The following GALNTL6 variants were observed in gnomAD, a reference collection of about 807,000 sequenced individuals.
The protein encoded by GALNTL6 is polypeptide N-acetylgalactosaminyltransferase like 6, also known as polypeptide N-acetylgalactosaminyltransferase-like 6.
A neutral mutation model predicts 73.7 loss-of-function variants in GALNTL6; 46 were observed. The observed-to-expected ratio is 0.62, with a 90% CI of 0.49 to 0.80. The LOEUF is 0.80. Ranked by LOEUF, GALNTL6 falls within the 30% of genes least tolerant of loss-of-function variation. The probability of loss-of-function intolerance (pLI) is 0.00; values close to 1 mark genes in which losing one functional copy is unlikely to be tolerated. For missense variants in GALNTL6, 604 were observed against 755.0 expected (o/e 0.80, Z 2.34); for synonymous variants, 259 against 263.7 (o/e 0.98, Z 0.17).
chr4:172,956,638 G>A (rs1043841244), intron 10 of GALNTL6, among the ~76,000 whole-genome samples: 3 of 152,150 alleles, frequency 2.0e-5, no homozygotes, highest in South Asian at 2.1e-4. Context: ...GTCCAAGTTG[G>A]TCTGGTGTCT....
chr4:172,099,279 AATAAGT>A (rs1732444482), intron 2 of GALNTL6, among the ~76,000 whole-genome samples: 1 of 152,172 alleles, frequency 6.6e-6, no homozygotes, highest in South Asian at 2.1e-4. Flanking sequence ...TGAGGAGTTA[AATAAGT>A]ATGAGCAATA....
intron 5 of GALNTL6, among the ~76,000 whole-genome samples, chr4:172,644,167 C>T (rs1740117952): frequency 6.6e-6 from 1 of 151,794 alleles, no homozygotes; most frequent in African/African-American, 2.4e-5. Flanking sequence ...AAAATGCACA[C>T]ATCTTTATTG....
intron 5 of GALNTL6, among the ~76,000 whole-genome samples, chr4:172,726,759 G>A (rs922135889): frequency 2.4e-4 from 36 of 152,242 alleles, no homozygotes; most frequent in Admixed American, 1.2e-3. Context: ...TAGTGTTCTA[G>A]GAGCTTGAAA....
chr4:172,791,295 C>G (rs992551015), intron 5 of GALNTL6, among the ~76,000 whole-genome samples: 1 of 152,062 alleles, frequency 6.6e-6, no homozygotes, highest in African/African-American at 2.4e-5. Context: ...TTACTGAAGT[C>G]AAGGAAACAA....
chr4:172,191,618 T>C (rs529526076), intron 2 of GALNTL6, among the ~76,000 whole-genome samples: 213 of 152,358 alleles, frequency 1.4e-3, no homozygotes, highest in African/African-American at 4.8e-3. Context: ...AAATATATGG[T>C]ACTCTTTCAA....
chr4:172,674,539 A>C (rs1343854265), intron 5 of GALNTL6, among the ~76,000 whole-genome samples: 1 of 152,114 alleles, frequency 6.6e-6, no homozygotes, highest in Non-Finnish European at 1.5e-5. Flanking sequence ...CTTACCATGA[A>C]TGCTATTCTA....
chr4:172,625,462 T>C (rs187329044), intron 5 of GALNTL6, among the ~76,000 whole-genome samples: 1 of 152,210 alleles, frequency 6.6e-6, no homozygotes, highest in Non-Finnish European at 1.5e-5. Context: ...TCTTTGCTAT[T>C]GTGAATAGCA....
At chr4:172,430,850 ATTATTTTATGAG>A (rs1409614118) in intron 5 of GALNTL6, among the ~76,000 whole-genome samples, 1 of 152,098 alleles carries the variant, frequency 6.6e-6, no homozygotes, top group Non-Finnish European at 1.5e-5. Context: ...AATAGGGAAA[ATTATTTTATGAG>A]TTGAAATAGG....
intron 5 of GALNTL6, among the ~76,000 whole-genome samples, chr4:172,355,585 A>G (rs170776): frequency 0.11 from 16,065 of 152,120 alleles, 870 homozygotes; most frequent in East Asian, 0.18. Context: ...TGTAAAAGGT[A>G]TGATGAGTAC....
At chr4:171,987,431 C>G (rs559264403) in intron 2 of GALNTL6, among the ~76,000 whole-genome samples, 2 of 152,230 alleles carry the variant, frequency 1.3e-5, no homozygotes, top group South Asian at 2.1e-4. Context: ...GAAATGACTG[C>G]GGTGGCCTTC....
chr4:172,549,148 C>A (rs1336527763), intron 5 of GALNTL6, among the ~76,000 whole-genome samples: 1 of 152,142 alleles, frequency 6.6e-6, no homozygotes, highest in Non-Finnish European at 1.5e-5. Flanking sequence ...CAAAATGTTT[C>A]TTTGTGCCTC....
At chr4:172,065,791 C>T (rs945586210) in intron 2 of GALNTL6, among the ~76,000 whole-genome samples, 4 of 152,162 alleles carry the variant, frequency 2.6e-5, no homozygotes, top group East Asian at 1.9e-4. Flanking sequence ...CTTACAATCA[C>T]GGCAGAAGGC....
At chr4:171,883,467 A>G (rs1480898215) in intron 2 of GALNTL6, among the ~76,000 whole-genome samples, 1 of 152,040 alleles carries the variant, frequency 6.6e-6, no homozygotes, top group Non-Finnish European at 1.5e-5. Context: ...AGCCTGCTTC[A>G]TTTATTTGTG....
intron 7 of GALNTL6, among the ~76,000 whole-genome samples, chr4:172,880,202 C>G (rs114774433): frequency 6.6e-6 from 1 of 152,028 alleles, no homozygotes; most frequent in Non-Finnish European, 1.5e-5. Context: ...GATTAGTACA[C>G]AAAGTTTATG....
At chr4:172,872,020 T>C (rs894912021) in intron 7 of GALNTL6, among the ~76,000 whole-genome samples, 1 of 152,220 alleles carries the variant, frequency 6.6e-6, no homozygotes, top group Non-Finnish European at 1.5e-5. Context: ...CTCAAACTCC[T>C]GACCTCAGGT....
At chr4:172,885,701 T>C (rs1745683767) in intron 8 of GALNTL6, among the ~76,000 whole-genome samples, 3 of 152,180 alleles carry the variant, frequency 2.0e-5, no homozygotes, top group African/African-American at 7.2e-5. Flanking sequence ...GTTTGTAATA[T>C]ATGGCTGTTA....
intron 4 of GALNTL6, among the ~76,000 whole-genome samples, chr4:172,341,587 T>C (rs333412): frequency 0.99 from 150,880 of 152,222 alleles, 74,796 homozygotes; most frequent in East Asian, 1. Flanking sequence ...TTGGAGATGA[T>C]GGAATCATGG....
chr4:171,851,403 T>C (rs1735519593), intron 2 of GALNTL6, among the ~76,000 whole-genome samples: 3 of 152,240 alleles, frequency 2.0e-5, no homozygotes, highest in African/African-American at 7.2e-5. Context: ...AAGGTTCATT[T>C]AAACTCTGTA....
At chr4:172,291,910 A>G (rs1739490273) in intron 3 of GALNTL6, among the ~76,000 whole-genome samples, 1 of 152,190 alleles carries the variant, frequency 6.6e-6, no homozygotes, top group Non-Finnish European at 1.5e-5. Context: ...AAAGATAATT[A>G]TATTAAAAAT....
Sources: gnomAD v4.1 joint callset for allele counts (sites outside exome capture counted in the v4.1 genomes callset) on GRCh38, gnomAD v4.1.1 for gene constraint, MANE v1.5 for transcripts, NCBI Gene and HGNC (gene_info 2026-07-23, HGNC 2026-07-21) for gene names.